TANC1: variants seen among roughly 807,000 people sequenced by gnomAD.
The protein encoded by TANC1 is protein TANC1.
TANC1 carries 77 observed loss-of-function variants against 149.7 expected under a neutral mutation model. That is an observed-to-expected ratio of 0.51 (90% CI 0.43 to 0.62). TANC1 has a LOEUF of 0.62. Ranked by LOEUF, TANC1 falls within the 20% of genes least tolerant of loss-of-function variation. The probability of loss-of-function intolerance (pLI) is 0.00; values close to 1 mark genes in which losing one functional copy is unlikely to be tolerated. For missense variants in TANC1, 1,985 were observed against 2,321.8 expected (o/e 0.85, Z 2.98); for synonymous variants, 854 against 925.0 (o/e 0.92, Z 1.39).
chr2:159,119,444 A>C (rs2048625973), intron 4 of TANC1, among the ~76,000 whole-genome samples: 1 of 152,246 alleles, frequency 6.6e-6, no homozygotes, highest in Admixed American at 6.5e-5. Context: ...TTTTAAAAAA[A>C]ATCAAGAAGC....
chr2:159,215,648 C>T (rs909559754), intron 19 of TANC1, among the ~76,000 whole-genome samples: 7 of 152,212 alleles, frequency 4.6e-5, no homozygotes, highest in Admixed American at 2.0e-4. Context: ...TCAGAAGGTG[C>T]GCAGGAGACA....
chr2:159,038,476 T>C (rs1254299857), intron 2 of TANC1, among the ~76,000 whole-genome samples: 1 of 152,366 alleles, frequency 6.6e-6, no homozygotes, highest in African/African-American at 2.4e-5. Flanking sequence ...CAGTATGATA[T>C]TGGCTGTGAG....
chr2:159,191,221 T>A (rs1420535458), intron 16 of TANC1, among the ~76,000 whole-genome samples: 1 of 152,170 alleles, frequency 6.6e-6, no homozygotes, highest in East Asian at 1.9e-4. Context: ...TAGATGGCAG[T>A]CCCAGCAGTG....
chr2:158,995,635 C>T (rs896226747), intron 1 of TANC1, among the ~76,000 whole-genome samples: 1 of 152,170 alleles, frequency 6.6e-6, no homozygotes, highest in African/African-American at 2.4e-5. Context: ...GACAGAGGGG[C>T]AGTCTTATAC....
intron 2 of TANC1, among the ~76,000 whole-genome samples, chr2:159,031,601 A>G (rs1465121571): frequency 1.3e-5 from 2 of 152,262 alleles, no homozygotes; most frequent in Non-Finnish European, 2.9e-5. Flanking sequence ...AGTTAAATTC[A>G]TGAAAGTACT....
chr2:159,227,209 A>G (rs1194606907), intron 24 of TANC1: 1 of 152,220 alleles, frequency 6.6e-6, no homozygotes, highest in African/African-American at 2.4e-5. Context: ...ATGGATTGGT[A>G]GGCAATTATG....
At chr2:159,059,888 TTGTGTGTGTGTGTGTGTGTGTG>T (rs140659801) in intron 2 of TANC1, among the ~76,000 whole-genome samples, 1 of 114,804 alleles carries the variant, frequency 8.7e-6, no homozygotes, top group Non-Finnish European at 1.8e-5. Context: ...GCAGACCTCT[TTGTGTGTGTGTGTGTGTGTGTG>T]TGTGTGTGTG....
intron 2 of TANC1, among the ~76,000 whole-genome samples, chr2:159,031,804 C>T (rs1380534102): frequency 6.6e-6 from 1 of 152,180 alleles, no homozygotes; most frequent in Non-Finnish European, 1.5e-5. Context: ...CTCACCCTAG[C>T]CTCTGTGGTT....
Position 159,230,941 on chromosome 2 carries a change from A to AAAT in TANC1, c.5515_5516insAAT (p.Ser1839delinsLysCys). On this transcript the variant is annotated protein_altering_variant, in exon 27 of 27. Transcript: ENST00000263635. This position sits in a 1 kb window ranked among gnomAD's most constrained non-coding sequence, Gnocchi z 4.4. The stretch of plus-strand genomic sequence containing the variant: ...TATCTCCAAACAGCAGCCTCATATT[A>AAAT]GTAATGAAGCCCACAGGAGCCACCT... 1 of 1,614,218 alleles carries AAAT rather than the reference A, an allele frequency of 6.2e-7. No individual in the cohort carries two copies. The highest frequency in any genetic ancestry group is 1.1e-5 in the South Asian group (1 of 91,092).
At chr2:159,055,832 T>C (rs758872366) in intron 2 of TANC1, among the ~76,000 whole-genome samples, 59 of 152,344 alleles carry the variant, frequency 3.9e-4, no homozygotes, top group Admixed American at 9.8e-4. Context: ...TGGATGGTTC[T>C]TGGGGCTGAG....
At chr2:159,059,613 T>C (rs1282452643) in intron 2 of TANC1, among the ~76,000 whole-genome samples, 2 of 152,168 alleles carry the variant, frequency 1.3e-5, no homozygotes, top group Non-Finnish European at 2.9e-5. Flanking sequence ...GACACACTTT[T>C]CTGGATGAAG....
At chr2:159,017,193 A>G (rs993634622) in intron 2 of TANC1, among the ~76,000 whole-genome samples, 9 of 152,196 alleles carry the variant, frequency 5.9e-5, no homozygotes, top group Admixed American at 1.3e-4. Flanking sequence ...GGTTTATTAT[A>G]TGGGACATAC....
At position 158,990,756 on chromosome 2, in the gene TANC1, G is replaced by A. The variant is rs138816709; in HGVS notation, c.-125-10324G>A. ...CTGGTGAGTGTGAACTTGCTGGTGG[G>A]CCTTGTGTACCTTGCTGAAGAATTC... On this transcript the variant is annotated intron_variant, in intron 1 of 26. Transcript: ENST00000263635. Among the ~76,000 whole-genome samples, 13 of 152,136 alleles carry A rather than the reference G, an allele frequency of 8.5e-5. No homozygotes were observed. In the East Asian group the frequency reaches 1.5e-3, roughly 18 times the overall value.
intron 4 of TANC1, among the ~76,000 whole-genome samples, chr2:159,122,836 A>G (rs1574816209): frequency 6.6e-6 from 1 of 150,452 alleles, no homozygotes; most frequent in African/African-American, 2.4e-5. Flanking sequence ...CACCAACAGT[A>G]TGAGGGTTTC....
intron 1 of TANC1, among the ~76,000 whole-genome samples, chr2:159,000,093 G>A (rs1335752924): frequency 6.6e-6 from 1 of 152,158 alleles, no homozygotes; most frequent in East Asian, 1.9e-4. Context: ...CTTGAGCTGC[G>A]TTTCAAGGGA....
chr2:159,027,592 C>A (rs1290279988), intron 2 of TANC1, among the ~76,000 whole-genome samples: 1 of 152,214 alleles, frequency 6.6e-6, no homozygotes, highest in Admixed American at 6.5e-5. Flanking sequence ...AGAATCTCCC[C>A]TAATGCTCCA....
intron 16 of TANC1, among the ~76,000 whole-genome samples, chr2:159,190,754 A>G (rs920920430): frequency 1.1e-4 from 16 of 152,012 alleles, no homozygotes; most frequent in African/African-American, 3.9e-4. Context: ...GTTTCACCAT[A>G]TTGGCCAGGC....
At chr2:159,050,766 G>T (rs2041405258) in intron 2 of TANC1, among the ~76,000 whole-genome samples, 1 of 152,170 alleles carries the variant, frequency 6.6e-6, no homozygotes, top group Admixed American at 6.5e-5. Flanking sequence ...TGAAGTAAAG[G>T]TCTTCCATTT....
intron 4 of TANC1, among the ~76,000 whole-genome samples, chr2:159,106,283 G>A (rs926967998): frequency 2.0e-5 from 3 of 151,948 alleles, no homozygotes; most frequent in Admixed American, 6.6e-5. Flanking sequence ...CCCCATACCC[G>A]TTACTAGTCA....
Sources: gnomAD v4.1 joint callset for allele counts (sites outside exome capture counted in the v4.1 genomes callset) on GRCh38, gnomAD v4.1.1 for gene constraint, Gnocchi (gnomAD v3.1) non-coding constraint, MANE v1.5 for transcripts, NCBI Gene and HGNC (gene_info 2026-07-23, HGNC 2026-07-21) for gene names.